SNTG1: variants seen among roughly 807,000 people sequenced by gnomAD.
SNTG1 encodes gamma-1-syntrophin.
Under a neutral mutation model 74.7 loss-of-function variants are expected in SNTG1, and 39 were observed. That is an observed-to-expected ratio of 0.52 (90% CI 0.40 to 0.68). The LOEUF (loss-of-function observed/expected upper bound fraction) is 0.68, where lower values mean the gene tolerates loss of function less well. Among genes scored for constraint, SNTG1 ranks in the 30% least tolerant of loss-of-function variants. The probability of loss-of-function intolerance (pLI) is 0.00; values close to 1 mark genes in which losing one functional copy is unlikely to be tolerated. For missense variants in SNTG1, 685 were observed against 609.5 expected (o/e 1.12, Z -1.30); for synonymous variants, 254 against 217.1 (o/e 1.17, Z -1.49).
chr8:50,584,652 C>T (rs1563611283), intron 12 of SNTG1, among the ~76,000 whole-genome samples: 1 of 151,940 alleles, frequency 6.6e-6, no homozygotes. Context: ...CATATCCCAG[C>T]ATAGCACCTG....
intron 1 of SNTG1, among the ~76,000 whole-genome samples, chr8:50,020,620 G>T (rs554931795): frequency 6.6e-5 from 10 of 152,114 alleles, no homozygotes; most frequent in African/African-American, 2.4e-4. Flanking sequence ...TTGTTTGATT[G>T]GTTTTGATAC....
At chr8:50,556,296 T>C (rs955990084) in intron 12 of SNTG1, among the ~76,000 whole-genome samples, 3 of 152,114 alleles carry the variant, frequency 2.0e-5, no homozygotes, top group African/African-American at 7.2e-5. Context: ...TGCTTTCACA[T>C]TGGAAAGCAA....
chr8:50,215,842 G>A lies in SNTG1; in HGVS notation c.-28+43207G>A, dbSNP rs535570350. Among the ~76,000 whole-genome samples the A allele has an allele frequency of 1.8e-3, 277 of 152,152 alleles. 2 individuals are homozygous for A. The highest frequency in any genetic ancestry group is 6.3e-3 in the African/African-American group (261 of 41,506). ...ACTCTTCACATGGCATCTGCCACATGGATAACAAGGATCAATGCAAAAAAC... is the reference window on the plus strand; with the variant it reads ...ACTCTTCACATGGCATCTGCCACATAGATAACAAGGATCAATGCAAAAAAC... On this transcript the variant is annotated intron_variant, in intron 2 of 18. Coordinates refer to ENST00000642720, the MANE Select transcript of SNTG1 (RefSeq NM_018967.5).
intron 18 of SNTG1, among the ~76,000 whole-genome samples, chr8:50,790,312 C>T (rs1254631975): frequency 2.0e-5 from 3 of 151,908 alleles, no homozygotes; most frequent in African/African-American, 7.2e-5. Context: ...AGAGTAGATG[C>T]ATAGGAAGCA....
intron 2 of SNTG1, among the ~76,000 whole-genome samples, chr8:50,288,097 T>C (rs759582920): frequency 7.2e-5 from 11 of 152,142 alleles, no homozygotes; most frequent in Non-Finnish European, 1.6e-4. Flanking sequence ...CATATTTGTA[T>C]TTCTAGTATT....
At chr8:50,765,319 C>G (rs73575102) in intron 18 of SNTG1, among the ~76,000 whole-genome samples, 5,498 of 152,054 alleles carry the variant, frequency 0.036, 274 homozygotes, top group African/African-American at 0.1. Context: ...TCTCAGGTCA[C>G]GTGGCTAGAA....
chr8:50,529,381 A>G (rs1015220432), intron 9 of SNTG1, among the ~76,000 whole-genome samples: 16 of 151,970 alleles, frequency 1.1e-4, no homozygotes, highest in African/African-American at 3.9e-4. Context: ...TAGCACATGG[A>G]CTATTATGTA....
chr8:50,718,039 A>T (rs2095479051), intron 17 of SNTG1, among the ~76,000 whole-genome samples: 1 of 152,144 alleles, frequency 6.6e-6, no homozygotes, highest in African/African-American at 2.4e-5. Context: ...CCCAATGAAG[A>T]TTGATGTTGA....
intron 13 of SNTG1, among the ~76,000 whole-genome samples, chr8:50,615,440 G>C (rs988100603): frequency 6.6e-6 from 1 of 152,148 alleles, no homozygotes; most frequent in South Asian, 2.1e-4. Flanking sequence ...AAACTATTCT[G>C]CTGTACTTTC....
At chr8:50,219,196 T>C (rs1042980094) in intron 2 of SNTG1, among the ~76,000 whole-genome samples, 7 of 152,186 alleles carry the variant, frequency 4.6e-5, no homozygotes, top group Admixed American at 4.6e-4. Flanking sequence ...TCTTTTAGAC[T>C]AGAATCCACT....
At chr8:50,065,875 C>G (rs1449189978) in intron 1 of SNTG1, among the ~76,000 whole-genome samples, 3 of 152,130 alleles carry the variant, frequency 2.0e-5, no homozygotes, top group Non-Finnish European at 2.9e-5. Flanking sequence ...GTCTAGAAGA[C>G]TAAGTCTATG....
intron 9 of SNTG1, among the ~76,000 whole-genome samples, chr8:50,507,990 C>T (rs1232308931): frequency 4.6e-5 from 7 of 151,896 alleles, no homozygotes; most frequent in Non-Finnish European, 8.8e-5. Context: ...CATATGTATA[C>T]ATGTGCCATG....
chr8:50,615,812 G>A (rs192238001), intron 13 of SNTG1, among the ~76,000 whole-genome samples: 3 of 152,316 alleles, frequency 2.0e-5, no homozygotes, highest in African/African-American at 7.2e-5. Flanking sequence ...CACCACATCT[G>A]GGGCTGCAAA....
intron 1 of SNTG1, among the ~76,000 whole-genome samples, chr8:50,114,630 G>T (rs570394331): frequency 4.5e-4 from 69 of 152,234 alleles, no homozygotes; most frequent in African/African-American, 1.5e-3. Context: ...ACTTTGGGAG[G>T]CCCAGGCAGG....
chr8:50,181,815 T>G (rs2083215869), intron 2 of SNTG1, among the ~76,000 whole-genome samples: 1 of 152,178 alleles, frequency 6.6e-6, no homozygotes, highest in Non-Finnish European at 1.5e-5. Flanking sequence ...AAAAGTTCAA[T>G]TTGGGCTTTG....
chr8:50,684,860 C>A, intron 15 of SNTG1, among the ~76,000 whole-genome samples: 1 of 150,254 alleles, frequency 6.7e-6, no homozygotes. Context: ...TACCATTAGG[C>A]GTATCTCCCA....
In SNTG1 at chr8:50,689,672, G is replaced by T. The variant is rs183169219; in HGVS notation, c.1039-14928G>T. 2.1e-4 allele frequency among the ~76,000 whole-genome samples: 32 copies of T among 152,256 alleles called. 1 individual carries two copies. Among genetic ancestry groups the T allele is most frequent in the African/African-American group, 7.0e-4 (29 of 41,552 alleles). On this transcript the variant is annotated intron_variant, in intron 15 of 18. Coordinates refer to ENST00000642720, the MANE Select transcript of SNTG1 (RefSeq NM_018967.5). ...TGCCAGTATTTTACTGAGGATTTTT[G>T]CATTGATGTTCATCAAGGATATTGG... is the stretch of plus-strand genomic sequence containing the variant.
In SNTG1 at chr8:50,556,393, T is replaced by C. The variant is rs536158263; in HGVS notation, c.810+3214T>C. ...CTCACATAATGAGCATTTGCTATAT[T>C]TTAGGTGAGCATTCACTCCCAGTGA... On this transcript the variant is annotated intron_variant, in intron 12 of 18. Transcript: ENST00000642720. 2.6e-5 allele frequency among the ~76,000 whole-genome samples: 4 copies of C among 152,298 alleles called. No individual in the cohort carries two copies. In the South Asian group the frequency reaches 8.3e-4, roughly 32 times the overall value.
At chr8:50,692,153 A>T (rs1044259634) in intron 15 of SNTG1, among the ~76,000 whole-genome samples, 16 of 151,714 alleles carry the variant, frequency 1.1e-4, no homozygotes, top group Non-Finnish European at 1.6e-4. Context: ...CATTTGTCTA[A>T]TTTTTTTTCA....
Sources: allele counts gnomAD v4.1 joint callset (sites outside exome capture counted in the v4.1 genomes callset), GRCh38; gene constraint gnomAD v4.1.1; transcripts MANE v1.5; gene names NCBI Gene and HGNC (gene_info 2026-07-23, HGNC 2026-07-21).